The following CADM2 variants were observed in gnomAD, a reference collection of about 807,000 sequenced individuals.
CADM2 encodes the protein cell adhesion molecule 2.
CADM2 carries 12 observed loss-of-function variants against 49.8 expected under a neutral mutation model. That is an observed-to-expected ratio of 0.24 (90% CI 0.15 to 0.39). The LOEUF (loss-of-function observed/expected upper bound fraction) is 0.39. Ranked by LOEUF, CADM2 falls within the 10% of genes least tolerant of loss-of-function variation. The pLI is 1.00. For missense variants in CADM2, 378 were observed against 492.3 expected (o/e 0.77, Z 2.20); for synonymous variants, 214 against 175.4 (o/e 1.22, Z -1.74).
intron 8 of CADM2, among the ~76,000 whole-genome samples, chr3:86,006,691 A>C (rs1026923776): frequency 6.6e-6 from 1 of 152,152 alleles, no homozygotes; most frequent in African/African-American, 2.4e-5. Context: ...TTTGAGGACC[A>C]TTCTGCTCCA....
At chr3:85,893,224 A>T (rs762071040) in intron 5 of CADM2, among the ~76,000 whole-genome samples, 2 of 152,176 alleles carry the variant, frequency 1.3e-5, no homozygotes, top group Non-Finnish European at 2.9e-5. Flanking sequence ...GTAGTAGAAA[A>T]GAAAACCCCA....
chr3:85,316,272 A>G (rs949864490), intron 1 of CADM2, among the ~76,000 whole-genome samples: 2 of 152,182 alleles, frequency 1.3e-5, no homozygotes, highest in Non-Finnish European at 2.9e-5. Context: ...ATATTTAAAA[A>G]TGTATGTTTA....
chr3:85,799,303 C>T (rs1300185771), intron 2 of CADM2, among the ~76,000 whole-genome samples: 1 of 152,128 alleles, frequency 6.6e-6, no homozygotes, highest in African/African-American at 2.4e-5. Flanking sequence ...ATTTCCAATA[C>T]TATGTTGAAT....
intron 8 of CADM2, among the ~76,000 whole-genome samples, chr3:86,018,040 A>G (rs374658261): frequency 8.8e-5 from 9 of 102,446 alleles, no homozygotes; most frequent in African/African-American, 3.4e-4. Context: ...CCCCCACCCC[A>G]CAACAGTCCC....
intron 1 of CADM2, among the ~76,000 whole-genome samples, chr3:85,373,905 AT>A (rs888269382): frequency 6.6e-6 from 1 of 151,538 alleles, no homozygotes; most frequent in Non-Finnish European, 1.5e-5. Context: ...CATGAAACCC[AT>A]TTTTTTTCCT....
chr3:86,026,179 T>A (rs969628153), intron 8 of CADM2, among the ~76,000 whole-genome samples: 1 of 152,164 alleles, frequency 6.6e-6, no homozygotes, highest in African/African-American at 2.4e-5. Context: ...AGTTTCAAAG[T>A]CTCACAACTT....
chr3:85,501,842 G>A (rs2040130857), intron 1 of CADM2, among the ~76,000 whole-genome samples: 1 of 152,062 alleles, frequency 6.6e-6, no homozygotes, highest in Non-Finnish European at 1.5e-5. Context: ...CATTGTATGA[G>A]AATAATGTAA....
chr3:85,834,260 G>A (rs1351065113), intron 3 of CADM2, among the ~76,000 whole-genome samples: 1 of 151,550 alleles, frequency 6.6e-6, no homozygotes, highest in Non-Finnish European at 1.5e-5. Context: ...ATAGTGTTAT[G>A]TTACCTGCCC....
intron 6 of CADM2, among the ~76,000 whole-genome samples, chr3:85,935,231 C>T (rs1467664959): frequency 2.0e-5 from 3 of 152,108 alleles, no homozygotes; most frequent in Non-Finnish European, 2.9e-5. Context: ...ACTAACTGTA[C>T]TTCTGTACTT....
At chr3:85,649,445 GT>G (rs1452507987) in intron 1 of CADM2, among the ~76,000 whole-genome samples, 1 of 152,084 alleles carries the variant, frequency 6.6e-6, no homozygotes, top group African/African-American at 2.4e-5. Context: ...TTCCCAAAAA[GT>G]TCTAACTCTC....
At chr3:85,352,964 A>C (rs547455657) in intron 1 of CADM2, among the ~76,000 whole-genome samples, 3 of 152,106 alleles carry the variant, frequency 2.0e-5, no homozygotes. Flanking sequence ...CTTAAGTAGA[A>C]GTTTTCAAGT....
chr3:85,222,907 A>G (rs556215129), intron 1 of CADM2, among the ~76,000 whole-genome samples: 17 of 152,248 alleles, frequency 1.1e-4, no homozygotes, highest in African/African-American at 3.8e-4. Flanking sequence ...CTTTTATTAG[A>G]ATCATTGTTA....
rs148330965 is a variant in CADM2, at chr3:85,358,363, C to T, written c.62-368159C>T. Among the ~76,000 whole-genome samples the T allele has an allele frequency of 2.8e-3, 420 of 151,582 alleles. 2 individuals are homozygous for T. Among genetic ancestry groups the T allele is most frequent in the African/African-American group, 2.4e-3 (98 of 41,164 alleles). On this transcript the variant is annotated intron_variant, in intron 1 of 9. Transcript: ENST00000383699. ...GTAAAGTAAGTCCAGTCTTATTAAC[C>T]GCAGAATGTTATACATCATTTTCCA...
At position 85,796,668 on chromosome 3, in the gene CADM2, T is replaced by C. The variant is rs185423155; in HGVS notation, c.89-5379T>C. The stretch of plus-strand genomic sequence containing the variant: ...TAGGTGTGGAAAGAAATTTTCCCCT[T>C]CAGAATCTTCTGTCTCTTATGGTGC... On this transcript the variant is annotated intron_variant, in intron 2 of 9. Coordinates refer to ENST00000383699, the MANE Select transcript of CADM2 (RefSeq NM_001167675.2). Among the ~76,000 whole-genome samples, 6 of 152,296 alleles carry C rather than the reference T, an allele frequency of 3.9e-5. No homozygotes were observed. The East Asian group carries it at 7.7e-4, about 20-fold the overall frequency.
chr3:85,257,926 G>A (rs2042925629), intron 1 of CADM2, among the ~76,000 whole-genome samples: 1 of 152,058 alleles, frequency 6.6e-6, no homozygotes, highest in Admixed American at 6.6e-5. Flanking sequence ...ATCATAACCT[G>A]GGAGAGCTGT....
At chr3:85,086,695 G>A (rs946430632) in intron 1 of CADM2, among the ~76,000 whole-genome samples, 1 of 151,788 alleles carries the variant, frequency 6.6e-6, no homozygotes. Flanking sequence ...ATTTTTAGTA[G>A]ACACGGTTTC....
chr3:85,657,441 C>A, intron 1 of CADM2, among the ~76,000 whole-genome samples: 1 of 151,800 alleles, frequency 6.6e-6, no homozygotes, highest in East Asian at 1.9e-4. Context: ...AGTTATAAGC[C>A]ACAGAAATCT....
chr3:85,801,213 A>G (rs1346603176), intron 2 of CADM2, among the ~76,000 whole-genome samples: 2 of 151,688 alleles, frequency 1.3e-5, no homozygotes, highest in Non-Finnish European at 2.9e-5. Context: ...AAGTGCACTT[A>G]TTAAGTAAAT....
At chr3:86,032,057 T>A (rs1734621458) in intron 8 of CADM2, among the ~76,000 whole-genome samples, 1 of 151,788 alleles carries the variant, frequency 6.6e-6, no homozygotes, top group African/African-American at 2.4e-5. Context: ...TTCTTCTCTA[T>A]GTGTCAATAA....
Sources: gnomAD v4.1 joint callset for allele counts (sites outside exome capture counted in the v4.1 genomes callset) on GRCh38, gnomAD v4.1.1 for gene constraint, MANE v1.5 for transcripts, NCBI Gene and HGNC (gene_info 2026-07-23, HGNC 2026-07-21) for gene names.